NTM: variants seen among roughly 807,000 people sequenced by gnomAD.
The protein encoded by NTM is IgLON family member 2.
NTM carries 13 observed loss-of-function variants against 42.1 expected under a neutral mutation model. The observed-to-expected ratio is 0.31, with a 90% CI of 0.20 to 0.49. NTM has a LOEUF of 0.49. Ranked by LOEUF, NTM falls within the 20% of genes least tolerant of loss-of-function variation. NTM has a pLI of 0.99. For synonymous variants in NTM, 187 were observed against 179.2 expected (o/e 1.04, Z -0.35); for missense variants, 373 against 452.8 (o/e 0.82, Z 1.60).
intron 2 of NTM, among the ~76,000 whole-genome samples, chr11:131,972,686 C>T (rs1048880056): frequency 1.3e-5 from 2 of 152,088 alleles, no homozygotes; most frequent in Non-Finnish European, 2.9e-5. Flanking sequence ...TGATGGAACC[C>T]CCGCATAATG....
chr11:132,125,980 G>A (rs2065770672), intron 2 of NTM, among the ~76,000 whole-genome samples: 1 of 151,864 alleles, frequency 6.6e-6, no homozygotes, highest in African/African-American at 2.4e-5. Context: ...GGATGAGTGG[G>A]CTGTTGGCAG....
intron 2 of NTM, among the ~76,000 whole-genome samples, chr11:132,108,473 GC>G (rs1383681765): frequency 6.6e-6 from 1 of 152,184 alleles, no homozygotes; most frequent in Non-Finnish European, 1.5e-5. Context: ...ATAAGTGGGA[GC>G]TAAACTCTGA....
chr11:132,046,886 CTATCTGT>C (rs2078090937), intron 2 of NTM, among the ~76,000 whole-genome samples: 3 of 152,160 alleles, frequency 2.0e-5, no homozygotes. Context: ...AATCATCAAT[CTATCTGT>C]TATCTATCTA....
chr11:131,853,278 G>C (rs1053360849), intron 1 of NTM, among the ~76,000 whole-genome samples: 1 of 152,116 alleles, frequency 6.6e-6, no homozygotes, highest in African/African-American at 2.4e-5. Flanking sequence ...TGCAGGATGT[G>C]CAGGTTTGTT....
intron 1 of NTM, among the ~76,000 whole-genome samples, chr11:131,612,207 A>C (rs796542463): frequency 2.6e-5 from 4 of 152,316 alleles, no homozygotes; most frequent in African/African-American, 9.6e-5. Flanking sequence ...ACAGCAGTCA[A>C]ACCCCTGCCT....
At position 132,317,852 on chromosome 11, in the gene NTM, G is replaced by T. The variant is rs77872027; in HGVS notation, c.934+3149G>T. ...TGATTGGGAGCCAGGGAGACTTCAA[G>T]CTCCCTTTGCTTTGCTCATCCCTTG... is the stretch of plus-strand genomic sequence containing the variant. On this transcript the variant is annotated intron_variant, in intron 7 of 8. Transcript: ENST00000683400. Among the ~76,000 whole-genome samples, 1,050 of 152,270 alleles carry T rather than the reference G, an allele frequency of 6.9e-3. 5 individuals are homozygous for T. The highest frequency in any genetic ancestry group is 0.01 in the Admixed American group (159 of 15,302).
intron 1 of NTM, among the ~76,000 whole-genome samples, chr11:131,482,143 C>G (rs1008820311): frequency 6.6e-6 from 1 of 152,186 alleles, no homozygotes; most frequent in South Asian, 2.1e-4. Context: ...ATGGTCAAGC[C>G]CTTTTTCATG....
rs1476696877 is a variant in NTM, at chr11:131,878,595, ATATATATATATATATATATATATATAT to A, written c.83-32968_83-32942del. On this transcript the variant is annotated intron_variant, in intron 1 of 8. Transcript: ENST00000683400. ...AAAAAAAAAAAAAAAAAAAAAAAAA[ATATATATATATATATATATATATATAT>A]ATATATATATATATATATAATGTCT... is the stretch of plus-strand genomic sequence containing the variant. Among the ~76,000 whole-genome samples, 20 of 11,150 alleles carry A rather than the reference ATATATATATATATATATATATATATAT, an allele frequency of 1.8e-3. 4 individuals carry two copies. Among genetic ancestry groups the A allele is most frequent in the South Asian group, 8.0e-3 (2 of 250 alleles). 7.3% of individuals were successfully genotyped at this position (11,150 alleles called of 152,430 possible).
intron 1 of NTM, among the ~76,000 whole-genome samples, chr11:131,405,376 TTTTCCC>T (rs1945699324): frequency 3.3e-5 from 5 of 152,098 alleles, no homozygotes; most frequent in Non-Finnish European, 7.3e-5. Context: ...GAGAGGCTGT[TTTTCCC>T]TGAGTCTCCC....
At chr11:132,097,864 G>A (rs1001951152) in intron 2 of NTM, among the ~76,000 whole-genome samples, 2 of 152,222 alleles carry the variant, frequency 1.3e-5, no homozygotes, top group African/African-American at 4.8e-5. Context: ...TCCCACTTGG[G>A]CAGATGGTAG....
At chr11:132,005,752 T>A (rs2070623009) in intron 2 of NTM, among the ~76,000 whole-genome samples, 1 of 152,162 alleles carries the variant, frequency 6.6e-6, no homozygotes. Flanking sequence ...TCAGTCCTTA[T>A]TCCTCCCATT....
At chr11:131,778,264 G>A (rs981085581) in intron 1 of NTM, among the ~76,000 whole-genome samples, 1 of 152,212 alleles carries the variant, frequency 6.6e-6, no homozygotes, top group African/African-American at 2.4e-5. Flanking sequence ...TTAAACTGAA[G>A]CTAGTGCCAC....
chr11:132,063,687 G>T (rs892217365), intron 2 of NTM, among the ~76,000 whole-genome samples: 2 of 152,180 alleles, frequency 1.3e-5, no homozygotes, highest in African/African-American at 4.8e-5. Context: ...AGGTGGAATT[G>T]CTCTTTGTCC....
rs552392744 is a variant in NTM, at chr11:131,626,567, G to A, written c.82+255679G>A. ...TGATCAGCTTTAAAATACTGGTCTT[G>A]CAACTCCTCACGTGTAAAGCAACAA... On this transcript the variant is annotated intron_variant, in intron 1 of 8. Transcript: ENST00000683400. 3.2e-4 allele frequency among the ~76,000 whole-genome samples: 48 copies of A among 152,288 alleles called. 1 individual carries two copies. The highest frequency in any genetic ancestry group is 2.6e-3 in the Admixed American group (40 of 15,296).
chr11:131,837,838 G>A (rs974480912), intron 1 of NTM, among the ~76,000 whole-genome samples: 1 of 152,160 alleles, frequency 6.6e-6, no homozygotes, highest in African/African-American at 2.4e-5. Context: ...CCCTGACGTG[G>A]GAACACATGT....
At chr11:131,683,660 A>G (rs1008361519) in intron 1 of NTM, among the ~76,000 whole-genome samples, 38 of 152,340 alleles carry the variant, frequency 2.5e-4, no homozygotes, top group Admixed American at 9.1e-4. Context: ...AAAAAATCCT[A>G]TCATGATTGC....
chr11:132,048,135 T>C (rs2135879974), intron 2 of NTM, among the ~76,000 whole-genome samples: 1 of 152,160 alleles, frequency 6.6e-6, no homozygotes, highest in East Asian at 1.9e-4. Flanking sequence ...TTGGATGAGC[T>C]CAAAATCTAG....
intron 1 of NTM, among the ~76,000 whole-genome samples, chr11:131,603,700 C>G (rs1406843601): frequency 6.6e-6 from 1 of 152,194 alleles, no homozygotes; most frequent in Non-Finnish European, 1.5e-5. Context: ...GTCCCGTACA[C>G]TCAGCACTGG....
At chr11:132,334,092 C>A (rs2095846882) in intron 8 of NTM, among the ~76,000 whole-genome samples, 1 of 152,212 alleles carries the variant, frequency 6.6e-6, no homozygotes, top group East Asian at 1.9e-4. Context: ...GAGGAGGTGG[C>A]CTGGTTCCTT....
Sources: allele counts gnomAD v4.1 joint callset (sites outside exome capture counted in the v4.1 genomes callset), GRCh38; gene constraint gnomAD v4.1.1; transcripts MANE v1.5; gene names NCBI Gene and HGNC (gene_info 2026-07-23, HGNC 2026-07-21).